CACTIN: variants seen among roughly 807,000 people sequenced by gnomAD.
The protein encoded by CACTIN is cactin, spliceosome C complex subunit.
Under a neutral mutation model 84.9 loss-of-function variants are expected in CACTIN, and 20 were observed. That is an observed-to-expected ratio of 0.24 (90% CI 0.17 to 0.34). CACTIN has a LOEUF of 0.34. CACTIN is among the 10% of genes least tolerant of loss of function. CACTIN has a pLI of 1.00. For missense variants in CACTIN, 897 were observed against 1,117.2 expected, an observed-to-expected ratio of 0.80 and a Z score of 2.81; for synonymous variants, 549 against 467.9, an observed-to-expected ratio of 1.17 and a Z score of -2.24.
intron 2 of CACTIN, chr19:3,621,113 AG>A: frequency 2.1e-6 from 1 of 475,716 alleles, no homozygotes; most frequent in Non-Finnish European, 3.9e-6. Flanking sequence ...GGGCCACCCC[AG>A]CCCCCAACAG....
rs751660854 is a variant in CACTIN at position 3,623,916 on chromosome 19, C to G, written c.414G>C (p.Gln138His). Residue 138 changes from glutamine (Q) to histidine (H), a missense_variant, in exon 2 of 10, where the codon CAG becomes CAC. Gln to His is a conservative substitution (Grantham distance 24). This residue lies in a region of CACTIN where 261 missense variants were observed against 243.8 expected (regional missense o/e 1.07). Transcript: ENST00000429344. Reference protein sequence around the residue: ...RAAAAALSQQQSLQERLRLRE... With the variant: ...RAAAAALSQQHSLQERLRLRE... Reference sequence around the variant, plus strand: ...GCAGCCGCAGCCGCTCCTGCAGGCTCTGCTGCTGGCTCAGGGCAGCCGCGG... The same window carrying G: ...GCAGCCGCAGCCGCTCCTGCAGGCTGTGCTGCTGGCTCAGGGCAGCCGCGG... 1 of 1,606,172 alleles carries G rather than the reference C, an allele frequency of 6.2e-7. No homozygotes were observed. Among genetic ancestry groups the G allele is most frequent in the Non-Finnish European group, 8.5e-7 (1 of 1,179,558 alleles).
At chr19:3,616,078 C>CGA (rs1245677276) in intron 6 of CACTIN, 4 of 152,142 alleles carry the variant, frequency 2.6e-5, no homozygotes, top group African/African-American at 9.7e-5. Context: ...GGATGCCTCC[C>CGA]GAATGCCCAC....
rs955229129 is a variant in CACTIN at position 3,615,393 on chromosome 19, G to C, written c.1163-804C>G. The C allele has an allele frequency of 6.5e-6, 1 of 153,554 alleles. No homozygotes were observed. The highest frequency in any genetic ancestry group is 1.4e-5 in the Non-Finnish European group (1 of 69,116). The allele number at this position is 153,554 out of a possible 1,614,324, so 9.5% of individuals were successfully genotyped here. ...CAGGCCACTTCCACCCACCCCGCTG[G>C]GTCTGGCCTCACCTCGCAACCCTGC... is the stretch of plus-strand genomic sequence containing the variant. On this transcript the variant is annotated intron_variant, in intron 6 of 9. Transcript: ENST00000429344. This position sits in a 1 kb window ranked among gnomAD's most constrained non-coding sequence, Gnocchi z 5.2.
intron 6 of CACTIN, among the ~76,000 whole-genome samples, chr19:3,617,850 CGGA>C (rs2145323590): frequency 6.6e-6 from 1 of 152,208 alleles, no homozygotes; most frequent in East Asian, 1.9e-4. Flanking sequence ...ATGTGCCCCA[CGGA>C]GGAGACCACT....
chr19:3,620,261 C>A lies in CACTIN; in HGVS notation c.750G>T (p.Leu250=). The change falls in exon 4 of 10, where the codon CTG becomes CTT. Residue 250 remains leucine (L), a synonymous_variant. Coordinates refer to ENST00000429344, the MANE Select transcript of CACTIN (RefSeq NM_001080543.2). Reference sequence around the variant, plus strand: ...CCTTCTCCCGCTCCCGCTCCAGCCGCAGCTGCTTCACCTGCAGGCACAGGA... The same window carrying A: ...CCTTCTCCCGCTCCCGCTCCAGCCGAAGCTGCTTCACCTGCAGGCACAGGA... The part of the protein sequence containing the change: ...NRLELQKVKQ[L]RLEREREKAM... The A allele has an allele frequency of 1.9e-6, 3 of 1,571,592 alleles. No homozygotes were observed. Among genetic ancestry groups the A allele is most frequent in the Non-Finnish European group, 2.6e-6 (3 of 1,164,122 alleles).
chr19:3,611,208 A>C lies in CACTIN; in HGVS notation c.*715T>G. The C allele has an allele frequency of 2.3e-6, 1 of 427,744 alleles. No homozygotes were observed. The highest frequency in any genetic ancestry group is 7.2e-5 in the East Asian group (1 of 13,982). 26.5% of individuals were successfully genotyped at this position (427,744 alleles called of 1,614,324 possible). A position where few individuals can be genotyped will look rare whatever the true frequency, so the allele number is the denominator to read the frequency against. ...TCCCACGACCTTGACAGAGACAGGG[A>C]CCTCGACGCATCCTCCATACCCGCT... On this transcript the variant is annotated 3_prime_UTR_variant, in exon 10 of 10. Transcript: ENST00000429344.
chr19:3,612,262 G>GATTC lies in CACTIN; in HGVS notation c.1937_1938insGAAT (p.Phe646LeufsTer22). 2 of 1,613,236 alleles carry GATTC rather than the reference G, an allele frequency of 1.2e-6. No individual in the cohort carries two copies. Among genetic ancestry groups the GATTC allele is most frequent in the Non-Finnish European group, 1.7e-6 (2 of 1,179,898 alleles). On this transcript the variant is annotated frameshift_variant, in exon 10 of 10. Coordinates refer to ENST00000429344, the MANE Select transcript of CACTIN (RefSeq NM_001080543.2). LOFTEE classifies it high-confidence loss of function. ...ACTCGAAGCCCGTGTGCACGCGGTT[G>GATTC]AAGAAGCGCGGCTTGCGTGGCCGGT...
rs532148845 is a variant in CACTIN at position 3,611,443 on chromosome 19, C to A, written c.*480G>T. 123 of 405,512 alleles carry A rather than the reference C, an allele frequency of 3.0e-4. No homozygotes were observed. The highest frequency in any genetic ancestry group is 2.5e-3 in the African/African-American group (117 of 47,156). 25.1% of individuals were successfully genotyped at this position (405,512 alleles called of 1,614,324 possible). ...GGCTCTGCCTCACGCCCAGTGGGTGCCCCGTGATGTGGCAGGGCTGGCCTT... is the reference window on the plus strand; with the variant it reads ...GGCTCTGCCTCACGCCCAGTGGGTGACCCGTGATGTGGCAGGGCTGGCCTT... On this transcript the variant is annotated 3_prime_UTR_variant, in exon 10 of 10. Transcript: ENST00000429344.
chr19:3,624,221 T>G (rs2033288765), intron 1 of CACTIN, 59 bp from the exon 2 acceptor site: 2 of 1,435,918 alleles, frequency 1.4e-6, no homozygotes, highest in Admixed American at 4.3e-5. Context: ...GCTCCACAGA[T>G]GCTTACTGGG....
chr19:3,621,595 C>T (rs2033225957), intron 2 of CACTIN, among the ~76,000 whole-genome samples: 1 of 152,202 alleles, frequency 6.6e-6, no homozygotes, highest in South Asian at 2.1e-4. Context: ...CAACGATGAC[C>T]ACATCTTCCT....
At position 3,612,411 on chromosome 19, in the gene CACTIN, C is replaced by G; in HGVS notation, c.1789G>C (p.Asp597His). ...LSRQQLQVTG[D>H]ASESAEDIFF... ...ATGTCCTCGGCGCTCTCGCTGGCGT[C>G]TCCTGCGGGCGGGACGGCGTTCACC... The change falls in exon 10 of 10, where the codon GAC becomes CAC. Residue 597 changes from aspartate to histidine, a missense_variant and splice_region_variant. Asp to His is a moderately conservative substitution (Grantham distance 81). This residue lies in a region of CACTIN where 243 missense variants were observed against 239.9 expected (regional missense o/e 1.01). Transcript: ENST00000429344. The G allele has an allele frequency of 6.3e-7, 1 of 1,587,434 alleles. No homozygotes were observed. The highest frequency in any genetic ancestry group is 8.5e-7 in the Non-Finnish European group (1 of 1,170,966).
chr19:3,611,691 G>A lies in CACTIN; in HGVS notation c.*232C>T, dbSNP rs1429407083. Reference sequence around the variant, plus strand: ...CCTAGCGCCCCCTCCGTTGCATCAGGACCCTAGGCCAGCCTGTCCCAGTGT... The same window carrying A: ...CCTAGCGCCCCCTCCGTTGCATCAGAACCCTAGGCCAGCCTGTCCCAGTGT... On this transcript the variant is annotated 3_prime_UTR_variant, in exon 10 of 10. Transcript: ENST00000429344. 8.3e-6 allele frequency: 5 copies of A among 603,510 alleles called. No individual in the cohort carries two copies. The highest frequency in any genetic ancestry group is 1.2e-5 in the Non-Finnish European group (4 of 342,106). 37.4% of individuals were successfully genotyped at this position (603,510 alleles called of 1,614,324 possible).
chr19:3,620,636 C>T (rs2033203746), intron 3 of CACTIN, 71 bp downstream of exon 3: 4 of 1,289,214 alleles, frequency 3.1e-6, no homozygotes, highest in Non-Finnish European at 4.3e-6. Flanking sequence ...CCCTCAAGTC[C>T]TGCCAAAGGG....
chr19:3,613,228 G>T lies in CACTIN; in HGVS notation c.1616C>A (p.Ala539Glu). Residue 539 changes from alanine to glutamate, a missense_variant, in exon 9 of 10, where the codon GCG becomes GAG. Transcript: ENST00000429344. ...GATCAGGTCCTCCTCCATGAGCACC[G>T]CCTCGCCCTCGCCCTCGCCCTCACC... The part of the protein sequence containing the change: ...GDGEGEGEGE[A>E]VLMEEDLIQQ... 1 of 1,611,100 alleles carries T rather than the reference G, an allele frequency of 6.2e-7. No homozygotes were observed. The highest frequency in any genetic ancestry group is 8.5e-7 in the Non-Finnish European group (1 of 1,179,216).
intron 1 of CACTIN, among the ~76,000 whole-genome samples, 166 bp from the exon 2 acceptor site, chr19:3,624,328 G>A (rs1371963525): frequency 6.6e-6 from 1 of 152,188 alleles, no homozygotes; most frequent in Non-Finnish European, 1.5e-5. Context: ...CCTCTGGTGG[G>A]CCCCAACAAG....
chr19:3,613,633 G>A (rs1320238262), intron 7 of CACTIN, 47 bp from the exon 8 acceptor site: 6 of 1,561,602 alleles, frequency 3.8e-6, no homozygotes, highest in Non-Finnish European at 4.3e-6. Flanking sequence ...AAGGGGCTCC[G>A]CGCCCCACCC....
intron 2 of CACTIN, chr19:3,621,153 G>C: frequency 2.5e-6 from 1 of 407,326 alleles, no homozygotes; most frequent in Non-Finnish European, 4.6e-6. Flanking sequence ...CTGCTGACTC[G>C]CTTTACCCGG....
rs757172712 is a variant in CACTIN, at chr19:3,613,307, C to T, written c.1537G>A (p.Ala513Thr). The T allele has an allele frequency of 1.3e-6, 2 of 1,584,446 alleles. No individual in the cohort carries two copies. The highest frequency in any genetic ancestry group is 1.1e-5 in the South Asian group (1 of 88,820). ...GTCGCGCCGTCCACCTCGGCCTCCG[C>T]GGGGCCGCCCTCCGAGGAGGGCCCG... is the stretch of plus-strand genomic sequence containing the variant. ...PPGPSSEGGP[A>T]EAEVDGATPT... The change falls in exon 9 of 10, where the codon GCG becomes ACG. Residue 513 changes from alanine to threonine, a missense_variant. Ala to Thr is a moderately conservative substitution (Grantham distance 58). Transcript: ENST00000429344.
intron 6 of CACTIN, among the ~76,000 whole-genome samples, chr19:3,618,085 G>A (rs919441941): frequency 4.6e-5 from 7 of 151,990 alleles, no homozygotes; most frequent in African/African-American, 1.5e-4. Flanking sequence ...ACAGGGATGC[G>A]TGGCCCATGA....
Sources: allele counts gnomAD v4.1 joint callset (sites outside exome capture counted in the v4.1 genomes callset), GRCh38; gene constraint gnomAD v4.1.1; regional missense constraint gnomAD v4.1.1; non-coding constraint Gnocchi (gnomAD v3.1); transcripts MANE v1.5; gene names NCBI Gene and HGNC (gene_info 2026-07-23, HGNC 2026-07-21).